Variants in SCFD2 observed in about 807,000 individuals in gnomAD.
The protein encoded by SCFD2 is sec1 family domain containing 2, also known as sec1 family domain-containing protein 2.
A neutral mutation model predicts 58.9 loss-of-function variants in SCFD2; 54 were observed. That is an observed-to-expected ratio of 0.92 (90% CI 0.74 to 1.15). The LOEUF (loss-of-function observed/expected upper bound fraction) is 1.15, where lower values mean the gene tolerates loss of function less well. SCFD2 is among the 50% of genes most tolerant of loss of function. SCFD2 has a pLI of 0.00. For missense variants in SCFD2, 805 were observed against 836.6 expected (o/e 0.96, Z 0.47); for synonymous variants, 321 against 335.9 (o/e 0.96, Z 0.49).
chr4:52,958,676 T>A (rs1329999713), intron 5 of SCFD2, among the ~76,000 whole-genome samples: 1 of 152,094 alleles, frequency 6.6e-6, no homozygotes, highest in African/African-American at 2.4e-5. Context: ...GAGTCCCACA[T>A]CAGCCACCCA....
intron 1 of SCFD2, among the ~76,000 whole-genome samples, chr4:53,362,689 A>AC (rs1734579638): frequency 6.6e-6 from 1 of 151,958 alleles, no homozygotes; most frequent in Non-Finnish European, 1.5e-5. Flanking sequence ...TAAAGCAAAA[A>AC]AAAAAATGGA....
chr4:53,116,035 C>T (rs1441558826), intron 5 of SCFD2, among the ~76,000 whole-genome samples: 1 of 152,080 alleles, frequency 6.6e-6, no homozygotes, highest in East Asian at 1.9e-4. Context: ...AAAGATGTGA[C>T]CTTGACCTGG....
At chr4:52,899,391 T>C (rs1394433894) in intron 7 of SCFD2, among the ~76,000 whole-genome samples, 3 of 152,218 alleles carry the variant, frequency 2.0e-5, no homozygotes, top group African/African-American at 4.8e-5. Flanking sequence ...AAGGATTTTA[T>C]TTCTCCTTCA....
chr4:53,324,290 C>T (rs551725173), intron 2 of SCFD2, among the ~76,000 whole-genome samples: 1 of 152,028 alleles, frequency 6.6e-6, no homozygotes, highest in East Asian at 1.9e-4. Context: ...TGGTAGCACA[C>T]ACATGTAGTC....
At chr4:52,978,661 A>G (rs1364076905) in intron 5 of SCFD2, among the ~76,000 whole-genome samples, 1 of 151,642 alleles carries the variant, frequency 6.6e-6, no homozygotes, top group Non-Finnish European at 1.5e-5. Context: ...ATAAAGAGGC[A>G]TGTTTTGCTT....
At chr4:53,005,076 T>C (rs1721943817) in intron 5 of SCFD2, among the ~76,000 whole-genome samples, 1 of 152,180 alleles carries the variant, frequency 6.6e-6, no homozygotes, top group Non-Finnish European at 1.5e-5. Context: ...TTTTGTATTT[T>C]TAGTAGAGAC....
At chr4:53,187,411 C>T (rs1289639494) in intron 4 of SCFD2, among the ~76,000 whole-genome samples, 1 of 151,856 alleles carries the variant, frequency 6.6e-6, no homozygotes, top group African/African-American at 2.4e-5. Context: ...TATTATACAT[C>T]CATAAAAATC....
At chr4:53,309,038 CA>C (rs1732604106) in intron 3 of SCFD2, among the ~76,000 whole-genome samples, 1 of 151,792 alleles carries the variant, frequency 6.6e-6, no homozygotes, top group Non-Finnish European at 1.5e-5. Context: ...AAGGCTGAGG[CA>C]GGAGAATCGC....
chr4:52,910,658 A>T (rs1719462575), intron 6 of SCFD2, among the ~76,000 whole-genome samples: 1 of 152,152 alleles, frequency 6.6e-6, no homozygotes, highest in Admixed American at 6.5e-5. Context: ...AAGAAAATAT[A>T]CCCCTGATAT....
intron 5 of SCFD2, among the ~76,000 whole-genome samples, chr4:53,032,140 T>C (rs1364778354): frequency 1.3e-5 from 2 of 152,228 alleles, no homozygotes; most frequent in Non-Finnish European, 2.9e-5. Flanking sequence ...ATATTCAACA[T>C]TCTTAAAGAA....
intron 3 of SCFD2, among the ~76,000 whole-genome samples, chr4:53,282,049 A>G (rs750533326): frequency 2.4e-4 from 37 of 152,234 alleles, no homozygotes; most frequent in Admixed American, 7.9e-4. Flanking sequence ...CATAAACTGT[A>G]TAACAATTCT....
At chr4:53,121,114 T>G (rs1051922254) in intron 5 of SCFD2, among the ~76,000 whole-genome samples, 3 of 152,212 alleles carry the variant, frequency 2.0e-5, no homozygotes, top group Non-Finnish European at 2.9e-5. Flanking sequence ...ATTGACACAA[T>G]GATAAGTGAA....
chr4:53,014,061 G>A (rs545464215), intron 5 of SCFD2, among the ~76,000 whole-genome samples: 5 of 152,238 alleles, frequency 3.3e-5, no homozygotes, highest in African/African-American at 9.6e-5. Flanking sequence ...GTTGGGTCCC[G>A]GAGAAAAACA....
chr4:53,261,546 G>T (rs1730828632), intron 4 of SCFD2, among the ~76,000 whole-genome samples: 1 of 152,058 alleles, frequency 6.6e-6, no homozygotes, highest in Non-Finnish European at 1.5e-5. Context: ...GTTCCTTTTG[G>T]AGTTGACTTC....
At chr4:52,975,168 A>C (rs1721217425) in intron 5 of SCFD2, among the ~76,000 whole-genome samples, 1 of 152,216 alleles carries the variant, frequency 6.6e-6, no homozygotes, top group Non-Finnish European at 1.5e-5. Flanking sequence ...AAATTGACAA[A>C]TGGGATCTTA....
At chr4:53,351,008 C>T (rs1734203478) in intron 2 of SCFD2, among the ~76,000 whole-genome samples, 1 of 152,204 alleles carries the variant, frequency 6.6e-6, no homozygotes, top group Admixed American at 6.5e-5. Context: ...TTGTACCTGG[C>T]CTAAAGTCAA....
chr4:52,920,884 G>T lies in SCFD2; in HGVS notation c.1562-14C>A. The stretch of plus-strand genomic sequence containing the variant: ...AAGAGTCCCAGTCTGAAAAAATCCA[G>T]AGATATTTTCTTGAGTGAGTAAATC... On this transcript the variant is annotated splice_polypyrimidine_tract_variant and intron_variant, in intron 5 of 8. Transcript: ENST00000401642. 1 of 1,584,552 alleles carries T rather than the reference G, an allele frequency of 6.3e-7. No individual in the cohort carries two copies.
chr4:53,183,899 GCATAACAATGACACACAGAACAGTT>G (rs1203455358), intron 4 of SCFD2, among the ~76,000 whole-genome samples: 2 of 152,014 alleles, frequency 1.3e-5, no homozygotes, highest in African/African-American at 2.4e-5. Flanking sequence ...CTTCATATCT[GCATAACAATGACACACAGAACAGTT>G]AATCTGAGCA....
intron 2 of SCFD2, among the ~76,000 whole-genome samples, chr4:53,328,762 C>T (rs558810408): frequency 1.3e-5 from 2 of 152,282 alleles, no homozygotes; most frequent in African/African-American, 4.8e-5. Flanking sequence ...CGAATAGGAA[C>T]AGCTCCGGTC....
Sources: allele counts gnomAD v4.1 joint callset (sites outside exome capture counted in the v4.1 genomes callset), GRCh38; gene constraint gnomAD v4.1.1; transcripts MANE v1.5; gene names NCBI Gene and HGNC (gene_info 2026-07-23, HGNC 2026-07-21).